ZRANB3: variants seen among roughly 807,000 people sequenced by gnomAD.
ZRANB3 encodes the protein zinc finger RANBP2-type containing 3.
ZRANB3 carries 125 observed loss-of-function variants against 133.8 expected under a neutral mutation model. The ratio of observed to expected loss-of-function variants is 0.93; its 90% CI spans 0.81 to 1.08. ZRANB3 has a LOEUF of 1.08. Among genes scored for constraint, ZRANB3 ranks in the 50% least tolerant of loss-of-function variants. The probability of loss-of-function intolerance (pLI) is 0.00; values close to 1 mark genes in which losing one functional copy is unlikely to be tolerated. For missense variants in ZRANB3, 1,229 were observed against 1,275.5 expected, an observed-to-expected ratio of 0.96 and a Z score of 0.56; for synonymous variants, 387 against 432.7, an observed-to-expected ratio of 0.89 and a Z score of 1.31.
intron 3 of ZRANB3, among the ~76,000 whole-genome samples, chr2:135,387,457 G>A (rs1687032452): frequency 6.6e-6 from 1 of 152,082 alleles, no homozygotes; most frequent in African/African-American, 2.4e-5. Context: ...CACTGGCATG[G>A]TAAGATTCCA....
intron 6 of ZRANB3, among the ~76,000 whole-genome samples, chr2:135,319,982 G>C (rs1249545338): frequency 3.3e-5 from 5 of 152,310 alleles, no homozygotes; most frequent in African/African-American, 1.2e-4. Flanking sequence ...TGTGAAAAGT[G>C]CCAAAACTCC....
intron 1 of ZRANB3, chr2:135,511,542 T>C: frequency 9.7e-7 from 1 of 1,026,836 alleles, no homozygotes; most frequent in Admixed American, 1.7e-5. Flanking sequence ...AGACCTCATC[T>C]TGCTATCTGA....
At chr2:135,386,329 A>C (rs1490577160) in intron 3 of ZRANB3, among the ~76,000 whole-genome samples, 2 of 152,208 alleles carry the variant, frequency 1.3e-5, no homozygotes, top group Non-Finnish European at 2.9e-5. Context: ...GATCATTAAA[A>C]AGTCAGGAAA....
At chr2:135,530,301 C>T (rs574601935) in intron 1 of ZRANB3, among the ~76,000 whole-genome samples, 3 of 152,118 alleles carry the variant, frequency 2.0e-5, no homozygotes, top group African/African-American at 4.8e-5. Flanking sequence ...AGACTAAAGG[C>T]AGTAGAGGTA....
At chr2:135,374,523 T>TG (rs2104903591) in intron 3 of ZRANB3, among the ~76,000 whole-genome samples, 2 of 149,522 alleles carry the variant, frequency 1.3e-5, no homozygotes, top group South Asian at 4.3e-4. Context: ...TTTTTTGAGA[T>TG]GGAGTTTCGC....
At chr2:135,201,705 A>C (rs557428756) in intron 20 of ZRANB3, among the ~76,000 whole-genome samples, 2 of 152,212 alleles carry the variant, frequency 1.3e-5, no homozygotes, top group African/African-American at 4.8e-5. Flanking sequence ...CATACTTTAT[A>C]AACATTGGCA....
intron 2 of ZRANB3, among the ~76,000 whole-genome samples, chr2:135,461,423 T>C (rs1690757824): frequency 6.6e-6 from 1 of 151,980 alleles, no homozygotes; most frequent in Admixed American, 6.6e-5. Context: ...TACAAAAAAT[T>C]AGCCGGTCTT....
At chr2:135,406,999 G>C (rs1158231500) in intron 2 of ZRANB3, among the ~76,000 whole-genome samples, 1 of 152,090 alleles carries the variant, frequency 6.6e-6, no homozygotes, top group Non-Finnish European at 1.5e-5. Flanking sequence ...AGGAAATAAA[G>C]GGTATTCAAT....
intron 8 of ZRANB3, among the ~76,000 whole-genome samples, chr2:135,311,370 T>C (rs1682964973): frequency 6.6e-6 from 1 of 152,084 alleles, no homozygotes; most frequent in Non-Finnish European, 1.5e-5. Context: ...AAATGCAAAA[T>C]AATATAGCTA....
chr2:135,346,350 T>C (rs192382465), intron 5 of ZRANB3, among the ~76,000 whole-genome samples: 2 of 152,318 alleles, frequency 1.3e-5, no homozygotes, highest in Admixed American at 1.3e-4. Flanking sequence ...TCCACCCGCC[T>C]TGGCCTCCCA....
chr2:135,383,057 A>G (rs1290929130), intron 3 of ZRANB3, among the ~76,000 whole-genome samples: 1 of 152,210 alleles, frequency 6.6e-6, no homozygotes, highest in Non-Finnish European at 1.5e-5. Context: ...GGCAAATTGG[A>G]TAAAGAGACA....
chr2:135,419,352 G>A (rs974233169), intron 2 of ZRANB3, among the ~76,000 whole-genome samples: 4 of 151,736 alleles, frequency 2.6e-5, no homozygotes, highest in African/African-American at 9.7e-5. Context: ...TAAATCAATC[G>A]TAGGTTATAT....
rs555275801 is a variant in ZRANB3 at position 135,377,809 on chromosome 2, G to T, written c.180+12993C>A. On this transcript the variant is annotated intron_variant, in intron 3 of 20. Coordinates refer to ENST00000264159, the MANE Select transcript of ZRANB3 (RefSeq NM_032143.4). ...GAAGGATACAAAGTATTGATCCTGGGTGTCTCTGTGAAGGTGTTGCCAAAG... is the reference window on the plus strand; with the variant it reads ...GAAGGATACAAAGTATTGATCCTGGTTGTCTCTGTGAAGGTGTTGCCAAAG... Among the ~76,000 whole-genome samples the T allele has an allele frequency of 2.0e-5, 3 of 152,324 alleles. No homozygotes were observed. The East Asian group carries it at 5.8e-4, about 29-fold the overall frequency.
chr2:135,383,998 C>T (rs1243347245), intron 3 of ZRANB3, among the ~76,000 whole-genome samples: 2 of 152,094 alleles, frequency 1.3e-5, no homozygotes, highest in African/African-American at 2.4e-5. Flanking sequence ...AAGATCAGAG[C>T]AGAACTGAAG....
intron 12 of ZRANB3, among the ~76,000 whole-genome samples, chr2:135,239,525 T>G (rs1351201118): frequency 6.6e-6 from 1 of 152,216 alleles, no homozygotes; most frequent in Non-Finnish European, 1.5e-5. Flanking sequence ...CCTGCTCCAC[T>G]ACTCCCAATA....
intron 8 of ZRANB3, among the ~76,000 whole-genome samples, chr2:135,287,880 C>A (rs1465011120): frequency 6.6e-6 from 1 of 152,004 alleles, no homozygotes; most frequent in East Asian, 1.9e-4. Context: ...CATTGGCAAA[C>A]CATGACAGTT....
At chr2:135,452,553 A>G (rs1690322414) in intron 2 of ZRANB3, among the ~76,000 whole-genome samples, 1 of 152,226 alleles carries the variant, frequency 6.6e-6, no homozygotes, top group East Asian at 1.9e-4. Flanking sequence ...TCCTGGATAC[A>G]ATGGGAGTAC....
At chr2:135,521,356 C>A (rs1170866890) in intron 1 of ZRANB3, among the ~76,000 whole-genome samples, 1 of 152,058 alleles carries the variant, frequency 6.6e-6, no homozygotes, top group Admixed American at 6.6e-5. Context: ...AGACCAGCCT[C>A]ATCAACATGG....
At position 135,207,564 on chromosome 2, in the gene ZRANB3, G is replaced by A; in HGVS notation, c.2879C>T (p.Thr960Ile). ...ACAGAGCTGACACACACCATGTTCA[G>A]TTTCAAATACTTTGGCTCTCAGGTA... is the stretch of plus-strand genomic sequence containing the variant. ...NSYLRAKVFE[T>I]EHGVCQLCNV... Residue 960 changes from threonine (T) to isoleucine (I), a missense_variant, in exon 19 of 21, where the codon ACT becomes ATT. Thr to Ile is a moderately conservative substitution (Grantham distance 89, BLOSUM62 -1). Coordinates refer to ENST00000264159, the MANE Select transcript of ZRANB3 (RefSeq NM_032143.4). The A allele has an allele frequency of 6.2e-7, 1 of 1,614,038 alleles. No homozygotes were observed. The highest frequency in any genetic ancestry group is 8.5e-7 in the Non-Finnish European group (1 of 1,179,894).
Sources: gnomAD v4.1 joint callset for allele counts (sites outside exome capture counted in the v4.1 genomes callset) on GRCh38, gnomAD v4.1.1 for gene constraint, MANE v1.5 for transcripts, NCBI Gene and HGNC (gene_info 2026-07-23, HGNC 2026-07-21) for gene names.